The following GABRG1 variants were observed in gnomAD, a reference collection of about 807,000 sequenced individuals.
GABRG1 encodes the protein gamma-aminobutyric acid receptor subunit gamma-1.
Under a neutral mutation model 49.8 loss-of-function variants are expected in GABRG1, and 49 were observed. That is an observed-to-expected ratio of 0.98 (90% confidence interval 0.78 to 1.25). GABRG1 has a LOEUF of 1.25. Among genes scored for constraint, GABRG1 ranks in the 50% most tolerant of loss-of-function variants. The pLI, the probability that GABRG1 is intolerant of heterozygous loss-of-function variation, is 0.00. For synonymous variants in GABRG1, 232 were observed against 185.1 expected (o/e 1.25, Z -2.06); for missense variants, 552 against 552.3 (o/e 1.00, Z 0.01).
intron 1 of GABRG1, among the ~76,000 whole-genome samples, chr4:46,105,559 T>G (rs1720506973): frequency 6.6e-6 from 1 of 151,394 alleles, no homozygotes; most frequent in Non-Finnish European, 1.5e-5. Context: ...AAAGGACAAT[T>G]ATTTACTTGA....
At chr4:46,119,459 C>G (rs572373697) in intron 1 of GABRG1, among the ~76,000 whole-genome samples, 1 of 151,594 alleles carries the variant, frequency 6.6e-6, no homozygotes, top group Admixed American at 6.6e-5. Flanking sequence ...AATAAGTTCA[C>G]AAAAATGTTT....
Position 46,040,963 on chromosome 4 carries a change from T to C in GABRG1, c.*25A>G, listed in dbSNP as rs1021746582. ...TCTACTGAATTTAGTCAGACTTCTT[T>C]TGATTTTTGCTTATGAAGTAGATTT... On this transcript the variant is annotated 3_prime_UTR_variant, in exon 9 of 9. Coordinates refer to ENST00000295452, the MANE Select transcript of GABRG1 (RefSeq NM_173536.4). The C allele has an allele frequency of 6.9e-6, 11 of 1,591,060 alleles. No homozygotes were observed. Among genetic ancestry groups the C allele is most frequent in the Non-Finnish European group, 8.6e-6 (10 of 1,169,190 alleles).
chr4:46,123,764 AG>A, intron 1 of GABRG1, 45 bp downstream of exon 1: 2 of 1,341,942 alleles, frequency 1.5e-6, no homozygotes, highest in Non-Finnish European at 2.1e-6. Context: ...ATAAGGGGAA[AG>A]GGGTAGATAG....
At chr4:46,086,098 G>C (rs1719743042) in intron 2 of GABRG1, among the ~76,000 whole-genome samples, 2 of 151,582 alleles carry the variant, frequency 1.3e-5, no homozygotes, top group Admixed American at 6.6e-5. Flanking sequence ...AAGGCAGGTA[G>C]AGATGACACT....
At position 46,117,014 on chromosome 4, in the gene GABRG1, T is replaced by C. The variant is rs563890499; in HGVS notation, c.104+6796A>G. Among the ~76,000 whole-genome samples, 20 of 150,600 alleles carry C rather than the reference T, an allele frequency of 1.3e-4. No homozygotes were observed. The Admixed American group carries it at 1.3e-3, about 10-fold the overall frequency. On this transcript the variant is annotated intron_variant, in intron 1 of 8. Coordinates refer to ENST00000295452, the MANE Select transcript of GABRG1 (RefSeq NM_173536.4). ...CAAGAGGTGAATGATATCCCTGTAC[T>C]TAAGCATACTGTACCTAATGTACAA... is the stretch of plus-strand genomic sequence containing the variant.
intron 5 of GABRG1, among the ~76,000 whole-genome samples, chr4:46,063,732 A>G (rs1718800821): frequency 1.3e-5 from 2 of 152,106 alleles, no homozygotes; most frequent in Non-Finnish European, 2.9e-5. Context: ...CTACCATCAG[A>G]GTGAACAGGC....
intron 5 of GABRG1, among the ~76,000 whole-genome samples, chr4:46,063,237 C>A (rs1046574024): frequency 5.9e-5 from 9 of 152,022 alleles, no homozygotes; most frequent in African/African-American, 1.9e-4. Flanking sequence ...AAGAACAAAG[C>A]TGGAGGCATC....
In GABRG1 at chr4:46,037,092, T is replaced by G. The variant is rs1717559418; in HGVS notation, c.*3896A>C. 6.6e-6 allele frequency: 1 copy of G among 151,868 alleles called. No homozygotes were observed. The highest frequency in any genetic ancestry group is 1.5e-5 in the Non-Finnish European group (1 of 67,864). 9.4% of individuals were successfully genotyped at this position (151,868 alleles called of 1,614,324 possible). A position where few individuals can be genotyped will look rare whatever the true frequency, so the allele number is the denominator to read the frequency against. On this transcript the variant is annotated 3_prime_UTR_variant, in exon 9 of 9. Transcript: ENST00000295452. The stretch of plus-strand genomic sequence containing the variant: ...TATCCTCCACAAAACCTTCCCAAAG[T>G]TATCCTCCCTTCCTTAAATTGTATA...
intron 2 of GABRG1, among the ~76,000 whole-genome samples, chr4:46,095,896 T>G (rs886108219): frequency 2.6e-5 from 4 of 151,818 alleles, no homozygotes; most frequent in African/African-American, 9.7e-5. Flanking sequence ...CACAGGGGTT[T>G]TCCTGTAAAG....
At chr4:46,115,723 A>G (rs888802184) in intron 1 of GABRG1, among the ~76,000 whole-genome samples, 1 of 150,810 alleles carries the variant, frequency 6.6e-6, no homozygotes, top group Non-Finnish European at 1.5e-5. Flanking sequence ...TCAAAATTAC[A>G]TCTAAAATAG....
chr4:46,111,267 C>A (rs1424977339), intron 1 of GABRG1, among the ~76,000 whole-genome samples: 1 of 150,750 alleles, frequency 6.6e-6, no homozygotes, highest in Non-Finnish European at 1.5e-5. Flanking sequence ...AAAATAATAC[C>A]TAGGAAAACA....
At chr4:46,095,583 T>G (rs560573042) in intron 2 of GABRG1, among the ~76,000 whole-genome samples, 1 of 151,896 alleles carries the variant, frequency 6.6e-6, no homozygotes, top group Admixed American at 6.6e-5. Flanking sequence ...AGACTGGCAT[T>G]AGACTTTTCA....
intron 1 of GABRG1, among the ~76,000 whole-genome samples, chr4:46,107,678 T>C (rs992982686): frequency 6.6e-6 from 1 of 151,148 alleles, no homozygotes; most frequent in Non-Finnish European, 1.5e-5. Flanking sequence ...TTTGGAGATA[T>C]CAAAAATCCT....
At chr4:46,106,756 T>C (rs1225777691) in intron 1 of GABRG1, among the ~76,000 whole-genome samples, 1 of 148,334 alleles carries the variant, frequency 6.7e-6, no homozygotes, top group African/African-American at 2.5e-5. Context: ...ATTTTTTTGG[T>C]ATATGAAATA....
At chr4:46,108,784 T>C (rs1247318029) in intron 1 of GABRG1, among the ~76,000 whole-genome samples, 1 of 151,054 alleles carries the variant, frequency 6.6e-6, no homozygotes, top group African/African-American at 2.4e-5. Context: ...ACTCAGTTTC[T>C]GAGAGATTTA....
intron 8 of GABRG1, among the ~76,000 whole-genome samples, chr4:46,043,486 C>T (rs1186649366): frequency 6.6e-6 from 1 of 151,724 alleles, no homozygotes; most frequent in African/African-American, 2.4e-5. Flanking sequence ...AAATCTAACA[C>T]AATGTCAATA....
In GABRG1 at chr4:46,104,452, A is replaced by T. The variant is rs1720472467; in HGVS notation, c.105-7103T>A. On this transcript the variant is annotated intron_variant, in intron 1 of 8. Coordinates refer to ENST00000295452, the MANE Select transcript of GABRG1 (RefSeq NM_173536.4). ...CTAATGTGTTACATTAACTAATCTT[A>T]GTTAGTTATTACATTTTAGCATATA... Among the ~76,000 whole-genome samples, 3 of 151,504 alleles carry T rather than the reference A, an allele frequency of 2.0e-5. No individual in the cohort carries two copies. The Admixed American group carries it at 2.0e-4, about 10-fold the overall frequency.
chr4:46,068,495 T>C (rs897543878), intron 3 of GABRG1, among the ~76,000 whole-genome samples: 5 of 152,112 alleles, frequency 3.3e-5, no homozygotes, highest in African/African-American at 4.8e-5. Flanking sequence ...GGAAGACTTA[T>C]GATTTCCAAA....
intron 5 of GABRG1, among the ~76,000 whole-genome samples, chr4:46,062,227 A>G (rs75413477): frequency 0.041 from 6,210 of 152,014 alleles, 201 homozygotes; most frequent in Admixed American, 0.076. Flanking sequence ...ATGGCTGCAT[A>G]GTATTCCATG....
Sources: gnomAD v4.1 joint callset for allele counts (sites outside exome capture counted in the v4.1 genomes callset) on GRCh38, gnomAD v4.1.1 for gene constraint, MANE v1.5 for transcripts, NCBI Gene and HGNC (gene_info 2026-07-23, HGNC 2026-07-21) for gene names.